Variants in TMEM161B observed in about 807,000 individuals in gnomAD.
TMEM161B encodes transmembrane protein 161B.
Under a neutral mutation model 61.8 loss-of-function variants are expected in TMEM161B, and 34 were observed. That is an observed-to-expected ratio of 0.55 (90% CI 0.42 to 0.73). The LOEUF is 0.73. Among genes scored for constraint, TMEM161B ranks in the 30% least tolerant of loss-of-function variants. The pLI is 0.00. For missense variants in TMEM161B, 456 were observed against 558.5 expected (o/e 0.82, Z 1.85); for synonymous variants, 167 against 192.8 (o/e 0.87, Z 1.11).
downstream of TMEM161B, among the ~76,000 whole-genome samples, chr5:88,187,009 T>C (rs1748391411): frequency 1.3e-5 from 2 of 152,248 alleles, no homozygotes; most frequent in South Asian, 4.1e-4. Context: ...TTGTAGCTTT[T>C]ACATTTGGCT....
At chr5:88,246,912 C>T (rs1235359537) in intron 1 of TMEM161B, among the ~76,000 whole-genome samples, 7 of 151,940 alleles carry the variant, frequency 4.6e-5, no homozygotes, top group African/African-American at 1.7e-4. Flanking sequence ...TTTATTAACG[C>T]TTCAAAACAA....
chr5:88,205,978 G>C (rs1745387186), intron 7 of TMEM161B, 24 bp from the exon 8 acceptor site: 2 of 1,511,024 alleles, frequency 1.3e-6, no homozygotes, highest in African/African-American at 2.8e-5. Flanking sequence ...TTTTTAAAAA[G>C]CTGATAAATT....
intron 2 of TMEM161B, 85 bp from the exon 3 acceptor site, chr5:88,228,613 T>G: frequency 2.0e-6 from 2 of 1,011,084 alleles, no homozygotes; most frequent in Non-Finnish European, 2.9e-6. Flanking sequence ...TTAAGTTTCA[T>G]ATTTGTGAAG....
In TMEM161B at chr5:88,228,560, C is replaced by T. The variant is rs372146645; in HGVS notation, c.108-32G>A. On this transcript the variant is annotated intron_variant, in intron 2 of 11. Transcript: ENST00000296595. ...AAAAAAAGAATTCTTTTAAATAAAG[C>T]GCTTAAAATCACCAGAATTATTCTT... 1.5e-4 allele frequency: 217 copies of T among 1,437,194 alleles called. 1 individual carries two copies. In the South Asian group the frequency reaches 2.2e-3, roughly 15 times the overall value. 89.0% of individuals were successfully genotyped at this position (1,437,194 alleles called of 1,614,324 possible).
At chr5:88,194,210 T>C (rs1357607542), downstream of TMEM161B, among the ~76,000 whole-genome samples, 2 of 152,138 alleles carry the variant, frequency 1.3e-5, no homozygotes, top group East Asian at 1.9e-4. Context: ...TGAGTACTCA[T>C]TGTTCAGCTC....
At chr5:88,257,634 G>T (rs1755150114) in intron 1 of TMEM161B, among the ~76,000 whole-genome samples, 1 of 152,132 alleles carries the variant, frequency 6.6e-6, no homozygotes, top group Admixed American at 6.5e-5. Flanking sequence ...GTCTATGATT[G>T]CAATATTTTA....
chr5:88,237,842 T>C (rs1355670311), intron 2 of TMEM161B, among the ~76,000 whole-genome samples: 1 of 152,058 alleles, frequency 6.6e-6, no homozygotes, highest in East Asian at 1.9e-4. Context: ...ACAAACTAAT[T>C]TGTAAGTAAA....
intron 2 of TMEM161B, among the ~76,000 whole-genome samples, chr5:88,230,238 C>A (rs1487907761): frequency 6.6e-6 from 1 of 151,978 alleles, no homozygotes; most frequent in African/African-American, 2.4e-5. Flanking sequence ...GTAGAACTGG[C>A]AATCTGAGTA....
At chr5:88,197,854 T>G in intron 10 of TMEM161B, 89 bp from the exon 11 acceptor site, 1 of 1,038,864 alleles carries the variant, frequency 9.6e-7, no homozygotes. Context: ...CCAAAATACT[T>G]AAGAGATAAT....
At chr5:88,248,504 G>C (rs1016581973) in intron 1 of TMEM161B, among the ~76,000 whole-genome samples, 1 of 152,010 alleles carries the variant, frequency 6.6e-6, no homozygotes, top group African/African-American at 2.4e-5. Flanking sequence ...ACACAAAACA[G>C]AGCAGCAACT....
At chr5:88,264,460 T>C (rs113513390) in intron 1 of TMEM161B, among the ~76,000 whole-genome samples, 4,628 of 152,206 alleles carry the variant, frequency 0.03, 93 homozygotes, top group Middle Eastern at 0.054. Flanking sequence ...TGTGGAGAAA[T>C]AGGAACGCTT....
chr5:88,266,310 T>C (rs568667708), intron 1 of TMEM161B, among the ~76,000 whole-genome samples: 2 of 152,172 alleles, frequency 1.3e-5, no homozygotes, highest in African/African-American at 2.4e-5. Context: ...AGTGAAAGAC[T>C]TGGCCAAATA....
rs576770547 is a variant in TMEM161B, at chr5:88,229,516, G to A, written c.108-988C>T. ...TTTTTTTTTTTTTATCTTACAGAAA[G>A]GTGGACCACCTTTACTTATTTTTCC... On this transcript the variant is annotated intron_variant, in intron 2 of 11. Coordinates refer to ENST00000296595, the MANE Select transcript of TMEM161B (RefSeq NM_153354.5). Among the ~76,000 whole-genome samples the A allele has an allele frequency of 1.3e-3, 195 of 150,660 alleles. 1 individual carries two copies. The highest frequency in any genetic ancestry group is 4.4e-3 in the African/African-American group (181 of 40,970).
intron 1 of TMEM161B, among the ~76,000 whole-genome samples, chr5:88,242,660 G>A (rs1446834666): frequency 1.3e-5 from 2 of 151,596 alleles, no homozygotes; most frequent in African/African-American, 4.8e-5. Flanking sequence ...AATTGAGTTA[G>A]AAATTCCATC....
downstream of TMEM161B, chr5:88,190,167 G>A: frequency 1.4e-6 from 1 of 701,014 alleles, no homozygotes; most frequent in Non-Finnish European, 2.6e-6. Flanking sequence ...TCCACACTTT[G>A]GCATCTCTGT....
At chr5:88,230,271 TA>T (rs1325974365) in intron 2 of TMEM161B, among the ~76,000 whole-genome samples, 2 of 152,166 alleles carry the variant, frequency 1.3e-5, no homozygotes, top group African/African-American at 2.4e-5. Context: ...TTGATTACAT[TA>T]AAAAATTTTA....
intron 1 of TMEM161B, among the ~76,000 whole-genome samples, chr5:88,242,270 C>T (rs1436361513): frequency 6.6e-6 from 1 of 151,616 alleles, no homozygotes; most frequent in Non-Finnish European, 1.5e-5. Flanking sequence ...AAACATATAC[C>T]ATAAAGGAAG....
intron 1 of TMEM161B, among the ~76,000 whole-genome samples, chr5:88,248,823 T>C (rs1195781722): frequency 6.6e-6 from 1 of 152,064 alleles, no homozygotes; most frequent in African/African-American, 2.4e-5. Flanking sequence ...CAGCTTTTAA[T>C]TAACCTGACT....
chr5:88,209,790 A>C (rs1016798912), intron 5 of TMEM161B, among the ~76,000 whole-genome samples: 1 of 152,164 alleles, frequency 6.6e-6, no homozygotes, highest in Non-Finnish European at 1.5e-5. Flanking sequence ...TCTCCACCTC[A>C]ATCAGAATAG....
Sources: gnomAD v4.1 joint callset for allele counts (sites outside exome capture counted in the v4.1 genomes callset) on GRCh38, gnomAD v4.1.1 for gene constraint, MANE v1.5 for transcripts, NCBI Gene and HGNC (gene_info 2026-07-23, HGNC 2026-07-21) for gene names.